The following MYH11 variants were observed in gnomAD, a reference collection of about 807,000 sequenced individuals.
MYH11 encodes myosin-11.
MYH11 carries 80 observed loss-of-function variants against 246.6 expected under a neutral mutation model. The ratio of observed to expected loss-of-function variants is 0.32; its 90% CI spans 0.27 to 0.39. MYH11 has a LOEUF of 0.39. MYH11 is among the 10% of genes least tolerant of loss of function. The pLI, the probability that MYH11 is intolerant of heterozygous loss-of-function variation, is 1.00. For missense variants in MYH11, 2,158 were observed against 2,546.8 expected (o/e 0.85, Z 3.29); for synonymous variants, 1,071 against 1,015.5 (o/e 1.05, Z -1.04).
At chr16:15,824,985 G>C (rs1225346085) in intron 2 of MYH11, among the ~76,000 whole-genome samples, 1 of 152,106 alleles carries the variant, frequency 6.6e-6, no homozygotes, top group South Asian at 2.1e-4. Flanking sequence ...ACCCCACAGC[G>C]CCTGCTCCTG....
intron 2 of MYH11, among the ~76,000 whole-genome samples, chr16:15,830,810 A>AT (rs1386143855): frequency 1.3e-5 from 2 of 152,004 alleles, no homozygotes; most frequent in Non-Finnish European, 2.9e-5. Context: ...TCCAGAAGGC[A>AT]TAGGTTGCAG....
At chr16:15,814,961 C>A (rs952410008) in intron 3 of MYH11, among the ~76,000 whole-genome samples, 3 of 152,192 alleles carry the variant, frequency 2.0e-5, no homozygotes, top group Non-Finnish European at 4.4e-5. Context: ...AGCTTCTTTT[C>A]AACTAGACCC....
intron 7 of MYH11, among the ~76,000 whole-genome samples, chr16:15,777,106 C>G (rs1569299): frequency 6.8e-6 from 1 of 147,844 alleles, no homozygotes; most frequent in Non-Finnish European, 1.5e-5. Context: ...CGCACACATA[C>G]ACACACACAC....
intron 40 of MYH11, among the ~76,000 whole-genome samples, chr16:15,711,511 T>C (rs993058116): frequency 1.3e-5 from 2 of 152,154 alleles, no homozygotes; most frequent in African/African-American, 2.4e-5. Flanking sequence ...TTTAAAAATA[T>C]AGAGGAGGTA....
At chr16:15,793,945 C>CTTTT (rs61625627) in intron 4 of MYH11, among the ~76,000 whole-genome samples, 1 of 70,230 alleles carries the variant, frequency 1.4e-5, no homozygotes, top group Non-Finnish European at 2.7e-5. Context: ...CTTTTCTTTT[C>CTTTT]TTTTTTTTTT....
intron 14 of MYH11, 46 bp downstream of exon 14, chr16:15,756,295 C>T (rs2041713678): frequency 1.9e-6 from 3 of 1,606,574 alleles, no homozygotes; most frequent in Non-Finnish European, 2.6e-6. Context: ...TGAGCAGCCA[C>T]TGGGGGTCCC....
Position 15,750,947 on chromosome 16 carries a change from T to A in MYH11, c.1865-616A>T, listed in dbSNP as rs1187585590. ...AGCGGAGAGAGAGTGAAGAGGGTGC[T>A]CTCTTAGACAAGGAGGTGGTGGGCT... On this transcript the variant is annotated intron_variant, in intron 15 of 40. Transcript: ENST00000300036. This position sits in a 1 kb window ranked among gnomAD's most constrained non-coding sequence, Gnocchi z 4.3. Among the ~76,000 whole-genome samples the A allele has an allele frequency of 6.6e-6, 1 of 151,948 alleles. No homozygotes were observed. Among genetic ancestry groups the A allele is most frequent in the Non-Finnish European group, 1.5e-5 (1 of 68,008 alleles).
At chr16:15,794,579 T>C (rs780558906) in intron 4 of MYH11, among the ~76,000 whole-genome samples, 42 of 152,192 alleles carry the variant, frequency 2.8e-4, no homozygotes, top group Non-Finnish European at 5.1e-4. Flanking sequence ...AGATACACAA[T>C]AGCCAAGTAA....
intron 26 of MYH11, among the ~76,000 whole-genome samples, chr16:15,734,982 C>A (rs947120364): frequency 1.3e-5 from 2 of 151,874 alleles, no homozygotes; most frequent in Admixed American, 6.6e-5. Flanking sequence ...GAGTTCAAGT[C>A]CAGCCTGGGC....
intron 26 of MYH11, among the ~76,000 whole-genome samples, chr16:15,733,868 A>G (rs2041039305): frequency 6.6e-6 from 1 of 152,208 alleles, no homozygotes; most frequent in Non-Finnish European, 1.5e-5. Context: ...TCTGTATCAA[A>G]GGCCAAGCGG....
chr16:15,740,565 C>A (rs1195318852), intron 22 of MYH11, among the ~76,000 whole-genome samples: 1 of 151,052 alleles, frequency 6.6e-6, no homozygotes, highest in African/African-American at 2.4e-5. Flanking sequence ...GAGCTGAGAT[C>A]GCACCATCGC....
chr16:15,786,686 G>C lies in MYH11; in HGVS notation c.577C>G (p.Gln193Glu). Residue 193 changes from glutamine (Q) to glutamate (E), a missense_variant, in exon 5 of 41, where the codon CAG becomes GAG. By Grantham distance (29) the Gln-to-Glu change is conservative. Transcript: ENST00000300036. ...GKTENTKKVI[Q>E]YLAVVASSHK... ...GAGGAGGCCACCACGGCCAGGTACT[G>C]AATGACCTTCTTGGTGTTTTCGGTT... 2 of 1,614,170 alleles carry C rather than the reference G, an allele frequency of 1.2e-6. No individual in the cohort carries two copies. Among genetic ancestry groups the C allele is most frequent in the Non-Finnish European group, 1.7e-6 (2 of 1,180,032 alleles).
In MYH11 at chr16:15,802,676, T is replaced by G. The variant is rs183911744; in HGVS notation, c.503-3989A>C. Among the ~76,000 whole-genome samples, 412 of 152,328 alleles carry G rather than the reference T, an allele frequency of 2.7e-3. 2 individuals are homozygous for G. Among genetic ancestry groups the G allele is most frequent in the Non-Finnish European group, 4.4e-3 (300 of 68,028 alleles). On this transcript the variant is annotated intron_variant, in intron 3 of 40. Transcript: ENST00000300036. The stretch of plus-strand genomic sequence containing the variant: ...GTTGCCCAGGCTGGTTTCACACTCT[T>G]GGGCTCAAGTGACCCACCTGCCTCA...
At chr16:15,737,714 G>T in intron 24 of MYH11, 94 bp from the exon 25 acceptor site, 1 of 1,358,188 alleles carries the variant, frequency 7.4e-7, no homozygotes, top group South Asian at 1.2e-5. Flanking sequence ...CGGAGGAGAT[G>T]AACACATCCC....
chr16:15,740,125 T>C lies in MYH11; in HGVS notation c.2923A>G (p.Thr975Ala). The change falls in exon 23 of 41, where the codon ACG becomes GCG. Residue 975 changes from threonine to alanine, a missense_variant. Thr to Ala is a moderately conservative substitution (Grantham distance 58, BLOSUM62 0). This residue lies in a region of MYH11 where 284 missense variants were observed against 315.4 expected (regional missense o/e 0.90). Coordinates refer to ENST00000300036, the MANE Select transcript of MYH11 (RefSeq NM_002474.3). The stretch of plus-strand genomic sequence containing the variant: ...AGTTTCTTGATCTTGGCCTCAGCCG[T>C]GACCTTCTCAAGTTGCAGCTTCTGC... Reference protein sequence around the residue: ...ARQKLQLEKVTAEAKIKKLED... With the variant: ...ARQKLQLEKVAAEAKIKKLED... 6.2e-7 allele frequency: 1 copy of C among 1,614,242 alleles called. No individual in the cohort carries two copies. Among genetic ancestry groups the C allele is most frequent in the East Asian group, 2.2e-5 (1 of 44,880 alleles).
At chr16:15,764,630 G>T (rs1308770125) in intron 9 of MYH11, among the ~76,000 whole-genome samples, 1 of 152,208 alleles carries the variant, frequency 6.6e-6, no homozygotes, top group Non-Finnish European at 1.5e-5. Flanking sequence ...TCAGGATAAT[G>T]ATTATCCTTA....
At position 15,815,256 on chromosome 16, in the gene MYH11, C is replaced by G. The variant is rs145659307; in HGVS notation, c.502+7999G>C. Among the ~76,000 whole-genome samples, 396 of 152,186 alleles carry G rather than the reference C, an allele frequency of 2.6e-3. 3 individuals carry two copies. Among genetic ancestry groups the G allele is most frequent in the Non-Finnish European group, 4.3e-3 (293 of 68,010 alleles). On this transcript the variant is annotated intron_variant, in intron 3 of 40. Transcript: ENST00000300036. ...TGAAGAAATCCACTAATATGACAGA[C>G]AGAAGTTAAAACAATTAGGAAAATA...
intron 26 of MYH11, among the ~76,000 whole-genome samples, chr16:15,733,329 G>C (rs1319581142): frequency 6.6e-6 from 1 of 152,170 alleles, no homozygotes; most frequent in Non-Finnish European, 1.5e-5. Flanking sequence ...CACCTCCCGG[G>C]TTCAAGCGAT....
chr16:15,726,879 G>T lies in MYH11; in HGVS notation c.3827C>A (p.Ala1276Glu). The T allele has an allele frequency of 1.9e-6, 3 of 1,612,044 alleles. No individual in the cohort carries two copies. Among genetic ancestry groups the T allele is most frequent in the Non-Finnish European group, 2.5e-6 (3 of 1,179,978 alleles). The part of the protein sequence containing the change: ...SKCSDGERAR[A>E]ELNDKVHKLQ... The stretch of plus-strand genomic sequence containing the variant: ...CTTGTGGACTTTGTCATTGAGCTCC[G>T]CCCGGGCCCGCTCCCCATCGCTGCA... The change falls in exon 28 of 41, where the codon GCG (alanine) becomes GAG (glutamate). Residue 1276 changes from alanine (A) to glutamate (E), a missense_variant. Coordinates refer to ENST00000300036, the MANE Select transcript of MYH11 (RefSeq NM_002474.3).
Sources: gnomAD v4.1 joint callset for allele counts (sites outside exome capture counted in the v4.1 genomes callset) on GRCh38, gnomAD v4.1.1 for gene constraint, gnomAD v4.1.1 regional missense constraint, Gnocchi (gnomAD v3.1) non-coding constraint, MANE v1.5 for transcripts, NCBI Gene and HGNC (gene_info 2026-07-23, HGNC 2026-07-21) for gene names.